Variants in ADAM12 observed in about 807,000 individuals in gnomAD.
The protein encoded by ADAM12 is disintegrin and metalloproteinase domain-containing protein 12.
In ADAM12, 70 loss-of-function variants were observed where a neutral mutation model predicts 106.4. That is an observed-to-expected ratio of 0.66 (90% CI 0.54 to 0.80). ADAM12 has a LOEUF of 0.80. ADAM12 is among the 30% of genes least tolerant of loss of function. ADAM12 has a pLI of 0.00. For synonymous variants in ADAM12, 420 were observed against 433.5 expected (o/e 0.97, Z 0.39); for missense variants, 1,010 against 1,171.9 (o/e 0.86, Z 2.02).
chr10:126,059,441 C>G (rs1954704670), intron 14 of ADAM12, among the ~76,000 whole-genome samples: 1 of 152,184 alleles, frequency 6.6e-6, no homozygotes, highest in Non-Finnish European at 1.5e-5. Flanking sequence ...TCCAAATGAA[C>G]AAATTTGATC....
At chr10:126,219,839 T>C (rs537395815) in intron 3 of ADAM12, among the ~76,000 whole-genome samples, 1 of 152,324 alleles carries the variant, frequency 6.6e-6, no homozygotes, top group Admixed American at 6.5e-5. Flanking sequence ...AAAAAATTAT[T>C]GTCAGTTTGT....
intron 2 of ADAM12, among the ~76,000 whole-genome samples, chr10:126,287,118 T>C (rs1424101224): frequency 1.3e-5 from 2 of 152,208 alleles, no homozygotes; most frequent in East Asian, 3.9e-4. Context: ...GCAAACATTT[T>C]AGATTTTCAT....
At chr10:126,181,612 G>A (rs1957313753) in intron 3 of ADAM12, among the ~76,000 whole-genome samples, 1 of 152,176 alleles carries the variant, frequency 6.6e-6, no homozygotes, top group Admixed American at 6.5e-5. Context: ...AGTGTCAGGT[G>A]CCGTCTTGGG....
At position 126,053,987 on chromosome 10, in the gene ADAM12, G is replaced by A. The variant is rs551795692; in HGVS notation, c.1610-4318C>T. On this transcript the variant is annotated intron_variant, in intron 14 of 22. Coordinates refer to ENST00000448723, the MANE Select transcript of ADAM12 (RefSeq NM_001288973.2). This position sits in a 1 kb window ranked among gnomAD's most constrained non-coding sequence, Gnocchi z 4.6. ...CTCCCAAAATGCTGGGATTACAGGC[G>A]TGAGCCACCGTACCTGGCCTGGTCT... is the stretch of plus-strand genomic sequence containing the variant. Among the ~76,000 whole-genome samples the A allele has an allele frequency of 3.9e-5, 6 of 152,266 alleles. No homozygotes were observed. The highest frequency in any genetic ancestry group is 2.1e-4 in the South Asian group (1 of 4,814).
intron 21 of ADAM12, among the ~76,000 whole-genome samples, chr10:126,028,789 G>A (rs1310272623): frequency 6.6e-6 from 1 of 151,720 alleles, no homozygotes; most frequent in Non-Finnish European, 1.5e-5. Context: ...TGACAAACGG[G>A]ATCTAATTAA....
chr10:126,137,232 T>C (rs1419453780), intron 4 of ADAM12, among the ~76,000 whole-genome samples: 1 of 152,194 alleles, frequency 6.6e-6, no homozygotes, highest in Non-Finnish European at 1.5e-5. Context: ...GCCCACAGTA[T>C]GTTTGTGGTG....
intron 2 of ADAM12, among the ~76,000 whole-genome samples, chr10:126,301,744 C>T (rs551824346): frequency 2.6e-5 from 4 of 152,138 alleles, no homozygotes; most frequent in Admixed American, 1.3e-4. Flanking sequence ...GCAACCATTA[C>T]GAGTCCACTA....
chr10:126,363,666 C>T (rs1855812472), intron 1 of ADAM12, among the ~76,000 whole-genome samples: 1 of 152,128 alleles, frequency 6.6e-6, no homozygotes, highest in South Asian at 2.1e-4. Flanking sequence ...TGAGAACATG[C>T]TGGGTTAGCC....
At chr10:126,081,699 C>T (rs1175626648) in intron 11 of ADAM12, among the ~76,000 whole-genome samples, 1 of 152,172 alleles carries the variant, frequency 6.6e-6, no homozygotes, top group Non-Finnish European at 1.5e-5. Context: ...CCTCATTGCA[C>T]TGAAGTGGAG....
At chr10:126,328,445 C>T (rs928093089) in intron 2 of ADAM12, among the ~76,000 whole-genome samples, 5 of 152,186 alleles carry the variant, frequency 3.3e-5, no homozygotes, top group African/African-American at 7.2e-5. Context: ...AGGACAGATA[C>T]ACACATACAC....
chr10:126,237,598 A>G (rs574530279), intron 3 of ADAM12, among the ~76,000 whole-genome samples: 1 of 152,038 alleles, frequency 6.6e-6, no homozygotes, highest in Admixed American at 6.5e-5. Context: ...TTTTCTTTCT[A>G]CTTGGTTTTC....
At chr10:126,226,426 G>T (rs1033840014) in intron 3 of ADAM12, among the ~76,000 whole-genome samples, 7 of 152,196 alleles carry the variant, frequency 4.6e-5, no homozygotes, top group African/African-American at 1.7e-4. Flanking sequence ...TTGGCAAGGG[G>T]TGTGAAGGCA....
chr10:126,091,181 C>T (rs4079086), intron 11 of ADAM12, among the ~76,000 whole-genome samples: 96,387 of 152,180 alleles, frequency 0.63, 32,776 homozygotes, highest in Non-Finnish European at 0.75. Flanking sequence ...AGTTCCAAAA[C>T]CCCTGTAAGC....
intron 10 of ADAM12, among the ~76,000 whole-genome samples, chr10:126,095,241 G>A (rs181675152): frequency 2.0e-5 from 3 of 152,218 alleles, no homozygotes; most frequent in Admixed American, 2.0e-4. Flanking sequence ...CCTTTAAGAA[G>A]TGATTGGGTC....
At chr10:126,026,103 CAT>C (rs900458812) in intron 21 of ADAM12, among the ~76,000 whole-genome samples, 8 of 152,250 alleles carry the variant, frequency 5.3e-5, no homozygotes, top group African/African-American at 1.9e-4. Context: ...TCAAGAAACT[CAT>C]GTGCAAAGAC....
chr10:126,155,300 A>G lies in ADAM12; in HGVS notation c.266T>C (p.Leu89Pro). ...LIINLERNEG[L>P]IASSFTETHY... ...GGTTTCCGTGAAACTGCTGGCAATG[A>G]GACCTCTGCGGAAAAACAAAAACAC... The change falls in exon 4 of 23, where the codon CTC (leucine) becomes CCC (proline). Residue 89 changes from leucine (L) to proline (P), a missense_variant. Transcript: ENST00000448723. 2 of 1,614,038 alleles carry G rather than the reference A, an allele frequency of 1.2e-6. No homozygotes were observed. Among genetic ancestry groups the G allele is most frequent in the Non-Finnish European group, 1.7e-6 (2 of 1,179,916 alleles).
intron 3 of ADAM12, among the ~76,000 whole-genome samples, chr10:126,256,512 C>T (rs1438015459): frequency 1.3e-5 from 2 of 151,740 alleles, no homozygotes; most frequent in East Asian, 1.9e-4. Flanking sequence ...CTTGAGCCGT[C>T]GCTGTGTGTC....
intron 2 of ADAM12, among the ~76,000 whole-genome samples, chr10:126,319,174 A>G (rs1282938662): frequency 6.6e-6 from 1 of 152,208 alleles, no homozygotes; most frequent in Non-Finnish European, 1.5e-5. Context: ...GACAAATCTC[A>G]CATGCATGAG....
chr10:126,312,131 G>GGA lies in ADAM12; in HGVS notation c.186+18280_186+18281insTC, dbSNP rs1564725771. Among the ~76,000 whole-genome samples the GGA allele has an allele frequency of 1.9e-4, 24 of 123,984 alleles. 3 individuals are homozygous for GGA. Among genetic ancestry groups the GGA allele is most frequent in the Non-Finnish European group, 1.8e-4 (11 of 61,146 alleles). The allele number at this position is 123,984 out of a possible 152,430, so 81.3% of individuals were successfully genotyped here. A position where few individuals can be genotyped will look rare whatever the true frequency, so the allele number is the denominator to read the frequency against. On this transcript the variant is annotated intron_variant, in intron 2 of 22. Coordinates refer to ENST00000448723, the MANE Select transcript of ADAM12 (RefSeq NM_001288973.2). ...CAAAGTTGGAGAATTGGTTGGTGTG[G>GGA]AAAAAAAAAAAAAAAAAAAAACCCA... is the stretch of plus-strand genomic sequence containing the variant.
Sources: gnomAD v4.1 joint callset for allele counts (sites outside exome capture counted in the v4.1 genomes callset) on GRCh38, gnomAD v4.1.1 for gene constraint, Gnocchi (gnomAD v3.1) non-coding constraint, MANE v1.5 for transcripts, NCBI Gene and HGNC (gene_info 2026-07-23, HGNC 2026-07-21) for gene names.